The following CHLSN variants were observed in gnomAD, a reference collection of about 807,000 sequenced individuals.
The protein encoded by CHLSN is protein cholesin.
chr7:1,001,098 G>C, the CHLSN span, among the ~76,000 whole-genome samples: 1 of 152,184 alleles, frequency 6.6e-6, no homozygotes, highest in Admixed American at 6.5e-5. Flanking sequence ...TGGACATCAG[G>C]CAGCTGCGGA....
chr7:985,208 A>G, the CHLSN span: 8 of 1,562,370 alleles, frequency 5.1e-6, no homozygotes, highest in East Asian at 2.4e-5. Context: ...GCTCCCTCCA[A>G]TATCACCTTC....
chr7:1,019,730 C>T, the CHLSN span, among the ~76,000 whole-genome samples: 1 of 152,216 alleles, frequency 6.6e-6, no homozygotes, highest in Non-Finnish European at 1.5e-5. Flanking sequence ...TGGGCAGAGG[C>T]GGTGGGAAGC....
At chr7:1,022,061 G>A in the CHLSN span, among the ~76,000 whole-genome samples, 1 of 152,208 alleles carries the variant, frequency 6.6e-6, no homozygotes, top group Admixed American at 6.5e-5. Flanking sequence ...GCCATGTCCT[G>A]GAGCACTCGA....
the CHLSN span, among the ~76,000 whole-genome samples, chr7:1,052,391 G>GACCT: frequency 6.6e-6 from 1 of 152,218 alleles, no homozygotes; most frequent in Admixed American, 6.5e-5. This position sits in a 1 kb window ranked among gnomAD's most constrained non-coding sequence, Gnocchi z 4.2. Context: ...CCTGGGGAGG[G>GACCT]ACCTGTGTGT....
the CHLSN span, chr7:1,045,842 C>G: frequency 6.6e-6 from 1 of 152,300 alleles, no homozygotes; most frequent in Non-Finnish European, 1.5e-5. Context: ...GAGCAGCTCA[C>G]TGCCCGACGC....
chr7:1,040,810 A>G, the CHLSN span, among the ~76,000 whole-genome samples: 2 of 152,246 alleles, frequency 1.3e-5, no homozygotes, highest in Non-Finnish European at 1.5e-5. Context: ...CAAAATATGT[A>G]CAAACCACAC....
the CHLSN span, among the ~76,000 whole-genome samples, chr7:1,115,469 A>G: frequency 2.6e-5 from 4 of 151,944 alleles, no homozygotes; most frequent in Non-Finnish European, 5.9e-5. Context: ...CCTCATCACC[A>G]ACGCCCACGC....
At chr7:984,536 C>T in the CHLSN span, 2 of 1,556,366 alleles carry the variant, frequency 1.3e-6, no homozygotes, top group Non-Finnish European at 1.7e-6. Flanking sequence ...GCCGACCGGC[C>T]TCCCATCGCC....
chr7:1,003,959 G>A, the CHLSN span, among the ~76,000 whole-genome samples: 137 of 143,096 alleles, frequency 9.6e-4, no homozygotes, highest in Middle Eastern at 3.7e-3. Flanking sequence ...GTGGGTGAGT[G>A]GAGTCCTGTG....
At chr7:1,032,908 C>A in the CHLSN span, among the ~76,000 whole-genome samples, 1 of 152,238 alleles carries the variant, frequency 6.6e-6, no homozygotes, top group Non-Finnish European at 1.5e-5. Flanking sequence ...CAATCCTGCA[C>A]GCTCCTCACT....
chr7:1,064,963 G>C, the CHLSN span, among the ~76,000 whole-genome samples: 4 of 152,248 alleles, frequency 2.6e-5, no homozygotes, highest in South Asian at 2.1e-4. Context: ...ACACACTAAG[G>C]CTTCTAAAGA....
chr7:1,035,372 C>A, the CHLSN span, among the ~76,000 whole-genome samples: 1 of 152,222 alleles, frequency 6.6e-6, no homozygotes, highest in Admixed American at 6.5e-5. Flanking sequence ...TTCCTCTGAG[C>A]GTAAACCCAG....
At chr7:1,133,296 T>C in the CHLSN span, among the ~76,000 whole-genome samples, 2 of 145,634 alleles carry the variant, frequency 1.4e-5, no homozygotes, top group African/African-American at 5.2e-5. Flanking sequence ...GAGGGAAGAG[T>C]GGGTGACCAC....
chr7:988,432 G>C, the CHLSN span: 2 of 1,612,164 alleles, frequency 1.2e-6, no homozygotes, highest in South Asian at 1.1e-5. Flanking sequence ...AGCAGCCCTC[G>C]GGGCCGGGGT....
chr7:1,060,419 T>G, the CHLSN span, among the ~76,000 whole-genome samples: 129 of 152,220 alleles, frequency 8.5e-4, no homozygotes, highest in Non-Finnish European at 1.6e-3. Context: ...GCCCCGGGGT[T>G]CTGTGGCACA....
At chr7:1,024,065 T>A in the CHLSN span, among the ~76,000 whole-genome samples, 1 of 152,304 alleles carries the variant, frequency 6.6e-6, no homozygotes, top group South Asian at 2.1e-4. Context: ...TGAGCTAAAG[T>A]GATCCTCCTT....
At chr7:1,074,218 C>T in the CHLSN span, among the ~76,000 whole-genome samples, 8 of 53,710 alleles carry the variant, frequency 1.5e-4, 1 homozygote, top group East Asian at 2.9e-3. Flanking sequence ...CCCCCGACCC[C>T]GCACCCCGCC....
chr7:1,039,103 GT>G, the CHLSN span, among the ~76,000 whole-genome samples: 1 of 66,342 alleles, frequency 1.5e-5, no homozygotes, highest in Non-Finnish European at 3.1e-5. Flanking sequence ...CGTCCGGGAG[GT>G]GAGGGGCGCC....
the CHLSN span, among the ~76,000 whole-genome samples, chr7:1,075,182 G>A: frequency 5.3e-5 from 8 of 152,154 alleles, no homozygotes; most frequent in Admixed American, 4.6e-4. Context: ...TGGTTCCTAG[G>A]CCATCTGAGC....
Sources: gnomAD v4.1 joint callset for allele counts (sites outside exome capture counted in the v4.1 genomes callset) on GRCh38, gnomAD v4.1.1 for gene constraint, Gnocchi (gnomAD v3.1) non-coding constraint, MANE v1.5 for transcripts, NCBI Gene and HGNC (gene_info 2026-07-23, HGNC 2026-07-21) for gene names.